KRIT1: variants seen among roughly 807,000 people sequenced by gnomAD.
KRIT1 encodes the protein KRIT1 ankyrin repeat containing, also known as krev interaction trapped protein 1.
KRIT1 carries 45 observed loss-of-function variants against 95.8 expected under a neutral mutation model. That is an observed-to-expected ratio of 0.47 (90% CI 0.37 to 0.60). The LOEUF (loss-of-function observed/expected upper bound fraction) is 0.60, where lower values mean the gene tolerates loss of function less well. Among genes scored for constraint, KRIT1 ranks in the 20% least tolerant of loss-of-function variants. The pLI is 0.00. For missense variants in KRIT1, 788 were observed against 877.5 expected (o/e 0.90, Z 1.29); for synonymous variants, 282 against 278.8 (o/e 1.01, Z -0.11).
At chr7:92,215,749 C>T (rs1375756806) in intron 14 of KRIT1, among the ~76,000 whole-genome samples, 1 of 151,756 alleles carries the variant, frequency 6.6e-6, no homozygotes, top group East Asian at 1.9e-4. Context: ...AGCCACTGCA[C>T]CTGGCCTAGA....
chr7:92,219,430 G>A (rs1182364802), intron 14 of KRIT1, among the ~76,000 whole-genome samples: 1 of 152,166 alleles, frequency 6.6e-6, no homozygotes, highest in Non-Finnish European at 1.5e-5. Context: ...TGGTAGCCTT[G>A]TCAAAAGTCT....
At chr7:92,222,179 A>C (rs777898973) in intron 13 of KRIT1, 126 bp from the exon 14 acceptor site, 55 of 714,836 alleles carry the variant, frequency 7.7e-5, no homozygotes, top group Non-Finnish European at 1.2e-4. Context: ...TAAATCTAAA[A>C]TTAACATTTT....
Position 92,242,062 on chromosome 7 carries a change from G to T in KRIT1, c.74C>A (p.Ser25Tyr). 2 of 1,582,794 alleles carry T rather than the reference G, an allele frequency of 1.3e-6. No individual in the cohort carries two copies. The highest frequency in any genetic ancestry group is 1.7e-6 in the Non-Finnish European group (2 of 1,151,982). The change falls in exon 4 of 19, where the codon TCT (serine) becomes TAT (tyrosine). Residue 25 changes from serine to tyrosine, a missense_variant. Physicochemically the swap from Ser to Tyr is moderately radical, Grantham distance 144. Around this residue, in one of 3 missense-constraint regions of KRIT1, gnomAD observed 289 missense variants for 277.5 expected, o/e 1.04. Transcript: ENST00000394505. ...ATATGACTTAGCTCTGTATTCCCGA[G>T]AATTGAGACTGGCAGTATTCTTTGG... ...IRPKNTASLN[S>Y]REYRAKSYEI...
In KRIT1 at chr7:92,245,899, C is replaced by T; in HGVS notation, c.-530G>A. The T allele has an allele frequency of 4.3e-6, 1 of 234,408 alleles. No homozygotes were observed. The allele number at this position is 234,408 out of a possible 1,614,324, so 14.5% of individuals were successfully genotyped here. ...TCAAAGGCCTTAGCTTTCCACCCCGCCGTTACCGTGGCTATGAAATCGCTT... is the reference window on the plus strand; with the variant it reads ...TCAAAGGCCTTAGCTTTCCACCCCGTCGTTACCGTGGCTATGAAATCGCTT... On this transcript the variant is annotated 5_prime_UTR_variant, in exon 1 of 19. Transcript: ENST00000394505.
chr7:92,224,205 G>C (rs1795747872), intron 12 of KRIT1, among the ~76,000 whole-genome samples: 1 of 152,182 alleles, frequency 6.6e-6, no homozygotes, highest in African/African-American at 2.4e-5. Flanking sequence ...ATAGTTGTTG[G>C]TTAATGCCTG....
intron 10 of KRIT1, 38 bp from the exon 11 acceptor site, chr7:92,226,720 A>C (rs1796281492): frequency 1.2e-5 from 19 of 1,593,748 alleles, no homozygotes; most frequent in East Asian, 2.2e-5. Flanking sequence ...ACAACAACAA[A>C]AAAAACTTAC....
intron 14 of KRIT1, among the ~76,000 whole-genome samples, chr7:92,219,147 T>C (rs1031854800): frequency 6.6e-6 from 1 of 152,056 alleles, no homozygotes; most frequent in Non-Finnish European, 1.5e-5. Context: ...ACTACAGAGG[T>C]GTACCACCAT....
intron 17 of KRIT1, among the ~76,000 whole-genome samples, chr7:92,208,572 A>G (rs1267032485): frequency 6.6e-5 from 10 of 152,140 alleles, no homozygotes; most frequent in Admixed American, 5.2e-4. Context: ...CTTAGAGACT[A>G]TTAGGACCAA....
At position 92,200,052 on chromosome 7, in the gene KRIT1, TGAC is replaced by T. The variant is rs1203612349; in HGVS notation, c.*681_*683del. 1 of 152,678 alleles carries T rather than the reference TGAC, an allele frequency of 6.5e-6. No homozygotes were observed. The highest frequency in any genetic ancestry group is 1.9e-4 in the East Asian group (1 of 5,200). 9.5% of individuals were successfully genotyped at this position (152,678 alleles called of 1,614,324 possible). On this transcript the variant is annotated 3_prime_UTR_variant, in exon 19 of 19. Coordinates refer to ENST00000394505, the MANE Select transcript of KRIT1 (RefSeq NM_194454.3). ...TACATTTTCTTTATTCAAATCATGTTGACGTTCAGTATATTTTGAAATACACAT... is the reference window on the plus strand; with the variant it reads ...TACATTTTCTTTATTCAAATCATGTTGTTCAGTATATTTTGAAATACACAT...
At chr7:92,233,198 A>G (rs886536741) in intron 10 of KRIT1, among the ~76,000 whole-genome samples, 1 of 150,982 alleles carries the variant, frequency 6.6e-6, no homozygotes, top group East Asian at 1.9e-4. Context: ...ACACACACAT[A>G]TAAAGCAACT....
intron 17 of KRIT1, among the ~76,000 whole-genome samples, chr7:92,210,687 C>T (rs1415077311): frequency 6.6e-6 from 1 of 152,142 alleles, no homozygotes; most frequent in Non-Finnish European, 1.5e-5. Flanking sequence ...ACAAATGGGA[C>T]TATTTAAACT....
In KRIT1 at chr7:92,222,070, C is replaced by A. The variant is rs774075490; in HGVS notation, c.1412-17G>T. ...GTTGAAGGCCTGAAAAACATCATTC[C>A]TTTTATAAATGATAATGTAAAAAGT... is the stretch of plus-strand genomic sequence containing the variant. On this transcript the variant is annotated splice_polypyrimidine_tract_variant and intron_variant, in intron 13 of 18. Coordinates refer to ENST00000394505, the MANE Select transcript of KRIT1 (RefSeq NM_194454.3). 2 of 1,601,552 alleles carry A rather than the reference C, an allele frequency of 1.2e-6. No homozygotes were observed. The highest frequency in any genetic ancestry group is 1.3e-5 in the African/African-American group (1 of 74,756).
At position 92,242,157 on chromosome 7, in the gene KRIT1, A is replaced by C. The variant is rs187572275; in HGVS notation, c.-2-20T>G. On this transcript the variant is annotated intron_variant, in intron 3 of 18. Transcript: ENST00000394505. ...CCATTGCTTTACAAAACAAATAAAA[A>C]AATCCTTTGAAAGATTAAATGACAC... The C allele has an allele frequency of 1.9e-4, 249 of 1,339,024 alleles. 1 individual carries two copies. In the East Asian group the frequency reaches 4.4e-3, roughly 24 times the overall value. 82.9% of individuals were successfully genotyped at this position (1,339,024 alleles called of 1,614,324 possible). A position where few individuals can be genotyped will look rare whatever the true frequency, so the allele number is the denominator to read the frequency against.
intron 5 of KRIT1, among the ~76,000 whole-genome samples, chr7:92,238,901 T>C (rs2131715378): frequency 6.6e-6 from 1 of 152,298 alleles, no homozygotes; most frequent in East Asian, 1.9e-4. Context: ...TTTAAGAGTT[T>C]CATGTATAAG....
chr7:92,226,221 C>T (rs1446652912), intron 11 of KRIT1, among the ~76,000 whole-genome samples: 1 of 151,924 alleles, frequency 6.6e-6, no homozygotes, highest in Non-Finnish European at 1.5e-5. Flanking sequence ...ATTCTGAAGA[C>T]AGACTGTGGT....
intron 13 of KRIT1, 106 bp from the exon 14 acceptor site, chr7:92,222,159 A>C (rs1028730344): frequency 1.3e-4 from 105 of 814,478 alleles, no homozygotes; most frequent in Middle Eastern, 2.6e-4. Flanking sequence ...GAATACTCAC[A>C]AATTAAATTT....
chr7:92,233,809 T>C (rs1797837584), intron 10 of KRIT1, among the ~76,000 whole-genome samples: 1 of 152,202 alleles, frequency 6.6e-6, no homozygotes, highest in Non-Finnish European at 1.5e-5. Flanking sequence ...TTCTAGAAGA[T>C]GACTTATAGT....
intron 10 of KRIT1, among the ~76,000 whole-genome samples, chr7:92,228,952 T>C (rs1796738820): frequency 6.6e-6 from 1 of 152,240 alleles, no homozygotes; most frequent in Non-Finnish European, 1.5e-5. Flanking sequence ...TTCCATGATG[T>C]ATACATACCA....
Position 92,236,408 on chromosome 7 carries a change from C to G in KRIT1, c.485+5G>C. 1 of 1,592,716 alleles carries G rather than the reference C, an allele frequency of 6.3e-7. No homozygotes were observed. Among genetic ancestry groups the G allele is most frequent in the Non-Finnish European group, 8.6e-7 (1 of 1,161,334 alleles). On this transcript the variant is annotated splice_donor_5th_base_variant and intron_variant, in intron 7 of 18. Transcript: ENST00000394505. ...TTAAAAGATACTTCTAACGGCATTT[C>G]TTACTTATCCAAGGCTATTAACATC...
Sources: allele counts gnomAD v4.1 joint callset (sites outside exome capture counted in the v4.1 genomes callset), GRCh38; gene constraint gnomAD v4.1.1; regional missense constraint gnomAD v4.1.1; transcripts MANE v1.5; gene names NCBI Gene and HGNC (gene_info 2026-07-23, HGNC 2026-07-21).